Variants in HECW2 observed in about 807,000 individuals in gnomAD.
HECW2 encodes the protein HECT, C2 and WW domain containing E3 ubiquitin protein ligase 2.
In HECW2, 61 loss-of-function variants were observed where a neutral mutation model predicts 175.2. That is an observed-to-expected ratio of 0.35 (90% CI 0.28 to 0.43). The LOEUF (loss-of-function observed/expected upper bound fraction) is 0.43. Among genes scored for constraint, HECW2 ranks in the 20% least tolerant of loss-of-function variants. The pLI is 1.00. For synonymous variants in HECW2, 671 were observed against 731.0 expected (o/e 0.92, Z 1.32); for missense variants, 1,524 against 2,000.5 (o/e 0.76, Z 4.54).
intron 1 of HECW2, among the ~76,000 whole-genome samples, chr2:196,506,396 T>C (rs1421901419): frequency 2.0e-5 from 3 of 152,218 alleles, no homozygotes; most frequent in African/African-American, 7.2e-5. Flanking sequence ...TGAAATGATG[T>C]ATAACGAAAC....
intron 1 of HECW2, among the ~76,000 whole-genome samples, chr2:196,441,385 C>CACAT (rs1002300442): frequency 2.8e-4 from 42 of 151,682 alleles, no homozygotes; most frequent in Middle Eastern, 6.8e-3. Flanking sequence ...CACACAAACA[C>CACAT]ACACACACAC....
chr2:196,485,666 A>G (rs1686976841), intron 1 of HECW2, among the ~76,000 whole-genome samples: 1 of 152,234 alleles, frequency 6.6e-6, no homozygotes, highest in South Asian at 2.1e-4. Context: ...GTAAACATCA[A>G]CACATAACAA....
chr2:196,211,283 G>A (rs139497850), intron 28 of HECW2, among the ~76,000 whole-genome samples: 84 of 152,296 alleles, frequency 5.5e-4, no homozygotes, highest in African/African-American at 1.6e-3. Context: ...TCTTAGCAGC[G>A]CATTTTTTGG....
At chr2:196,255,763 C>T (rs1689030787) in intron 18 of HECW2, among the ~76,000 whole-genome samples, 1 of 152,116 alleles carries the variant, frequency 6.6e-6, no homozygotes, top group Admixed American at 6.5e-5. Context: ...CAAATCATTC[C>T]AATTCCAAAG....
intron 1 of HECW2, among the ~76,000 whole-genome samples, chr2:196,505,873 C>T (rs1381973188): frequency 6.6e-6 from 1 of 152,092 alleles, no homozygotes; most frequent in Non-Finnish European, 1.5e-5. Context: ...AGATGAAGTC[C>T]CCCCAACTGT....
intron 1 of HECW2, among the ~76,000 whole-genome samples, chr2:196,462,820 G>A (rs993510857): frequency 1.3e-5 from 2 of 152,056 alleles, no homozygotes; most frequent in Non-Finnish European, 1.5e-5. Context: ...AAAATAAAAC[G>A]CAAGGGAAAG....
chr2:196,586,868 G>T (rs1691000567), intron 1 of HECW2: 1 of 152,126 alleles, frequency 6.6e-6, no homozygotes, highest in Non-Finnish European at 1.5e-5. Context: ...CATGACATCG[G>T]TGGTTTCATC....
At chr2:196,541,551 G>C (rs1012834609) in intron 1 of HECW2, among the ~76,000 whole-genome samples, 1 of 152,038 alleles carries the variant, frequency 6.6e-6, no homozygotes, top group Non-Finnish European at 1.5e-5. Flanking sequence ...AAGGCTTATG[G>C]GTATGGCTTC....
At chr2:196,504,358 G>A (rs947293853) in intron 1 of HECW2, among the ~76,000 whole-genome samples, 1 of 151,002 alleles carries the variant, frequency 6.6e-6, no homozygotes, top group African/African-American at 2.4e-5. Context: ...CAGGTGCCGG[G>A]ACCCTGTTAT....
At chr2:196,355,231 A>G (rs1693320722) in intron 2 of HECW2, among the ~76,000 whole-genome samples, 1 of 152,232 alleles carries the variant, frequency 6.6e-6, no homozygotes, top group African/African-American at 2.4e-5. Context: ...CAAGATTTCC[A>G]AAGTCTCTTT....
intron 1 of HECW2, among the ~76,000 whole-genome samples, chr2:196,554,730 C>A (rs1035314239): frequency 6.6e-6 from 1 of 152,198 alleles, no homozygotes; most frequent in African/African-American, 2.4e-5. Flanking sequence ...CTTCATCTTC[C>A]AGCATGCAAT....
At chr2:196,333,656 A>G (rs568452675) in intron 4 of HECW2, among the ~76,000 whole-genome samples, 1 of 152,344 alleles carries the variant, frequency 6.6e-6, no homozygotes, top group Non-Finnish European at 1.5e-5. Flanking sequence ...GAATCTCCCC[A>G]AACCATCTGA....
chr2:196,203,606 G>A (rs1173375380), intron 28 of HECW2, among the ~76,000 whole-genome samples: 1 of 152,134 alleles, frequency 6.6e-6, no homozygotes, highest in African/African-American at 2.4e-5. Flanking sequence ...ATAAGGTTGA[G>A]CATCTTTCCC....
At chr2:196,362,243 T>G in intron 2 of HECW2, 1 of 973,692 alleles carries the variant, frequency 1.0e-6, no homozygotes, top group Non-Finnish European at 1.2e-6. Flanking sequence ...GGGTACAGGA[T>G]GCAATCGCCC....
chr2:196,512,225 G>A (rs1687976070), intron 1 of HECW2, among the ~76,000 whole-genome samples: 2 of 152,186 alleles, frequency 1.3e-5, no homozygotes, highest in Non-Finnish European at 2.9e-5. Context: ...ATTTTCAAAA[G>A]AGAAGCTAGA....
chr2:196,355,461 T>A (rs1391391930), intron 2 of HECW2, among the ~76,000 whole-genome samples: 1 of 152,162 alleles, frequency 6.6e-6, no homozygotes, highest in Non-Finnish European at 1.5e-5. Context: ...CTCAATCCTA[T>A]CCCCTGTAAC....
At chr2:196,344,278 G>T (rs1278750782) in intron 2 of HECW2, among the ~76,000 whole-genome samples, 1 of 125,250 alleles carries the variant, frequency 8.0e-6, no homozygotes. Flanking sequence ...TGTCAGGACA[G>T]TCCTTTGCAA....
chr2:196,562,753 A>C (rs2125501606), intron 1 of HECW2, among the ~76,000 whole-genome samples: 1 of 152,302 alleles, frequency 6.6e-6, no homozygotes. Context: ...TCAGAAAAGT[A>C]CCAGCTTTGG....
At chr2:196,303,926 G>T (rs1002969047) in intron 13 of HECW2, among the ~76,000 whole-genome samples, 1 of 151,870 alleles carries the variant, frequency 6.6e-6, no homozygotes, top group African/African-American at 2.4e-5. Context: ...TCATCCATTT[G>T]TCACCGTCTC....
Sources: allele counts gnomAD v4.1 joint callset (sites outside exome capture counted in the v4.1 genomes callset), GRCh38; gene constraint gnomAD v4.1.1; transcripts MANE v1.5; gene names NCBI Gene and HGNC (gene_info 2026-07-23, HGNC 2026-07-21).